MADD: variants seen among roughly 807,000 people sequenced by gnomAD.
MADD encodes the protein MAP kinase activating death domain.
Under a neutral mutation model 176.7 loss-of-function variants are expected in MADD, and 109 were observed. That is an observed-to-expected ratio of 0.62 (90% confidence interval 0.53 to 0.72). The LOEUF (loss-of-function observed/expected upper bound fraction) is 0.72, where lower values mean the gene tolerates loss of function less well. MADD is among the 30% of genes least tolerant of loss of function. The pLI is 0.00. For missense variants in MADD, 1,914 were observed against 2,045.5 expected (o/e 0.94, Z 1.24); for synonymous variants, 771 against 771.3 (o/e 1.00, Z 0.01).
chr11:47,286,588 C>A, intron 15 of MADD, 54 bp downstream of exon 15: 1 of 1,397,176 alleles, frequency 7.2e-7, no homozygotes, highest in Non-Finnish European at 1.0e-6. Context: ...ATGTTTCGGG[C>A]TGTGGGTTCA....
intron 22 of MADD, among the ~76,000 whole-genome samples, chr11:47,303,887 C>T (rs12576751): frequency 0.075 from 11,441 of 152,216 alleles, 517 homozygotes; most frequent in South Asian, 0.11. Flanking sequence ...GGATTACAGG[C>T]GTGAGCCACC....
chr11:47,282,358 T>A (rs1375282371), intron 8 of MADD, 23 bp from the exon 9 acceptor site: 7 of 1,594,988 alleles, frequency 4.4e-6, no homozygotes, highest in Non-Finnish European at 6.0e-6. Context: ...GGTCTCAGAT[T>A]ATCTCATCAT....
chr11:47,281,518 A>C, intron 7 of MADD, 57 bp from the exon 8 acceptor site: 1 of 1,416,760 alleles, frequency 7.1e-7, no homozygotes, highest in Non-Finnish European at 9.5e-7. Flanking sequence ...TGGAGTTAAG[A>C]TTGGCTAGCT....
intron 2 of MADD, 133 bp from the exon 3 acceptor site, chr11:47,274,430 A>G: frequency 1.3e-6 from 1 of 758,678 alleles, no homozygotes; most frequent in Non-Finnish European, 2.2e-6. Context: ...GGCAGCACCC[A>G]TATTTTCCAA....
chr11:47,289,057 C>G, intron 15 of MADD, 30 bp downstream of exon 16: 1 of 1,449,656 alleles, frequency 6.9e-7, no homozygotes, highest in Non-Finnish European at 9.3e-7. Flanking sequence ...TGTGCATGAT[C>G]TTTTTTTTTT....
intron 27 of MADD, 101 bp downstream of exon 30, chr11:47,315,428 T>C: frequency 3.1e-6 from 2 of 654,716 alleles, no homozygotes; most frequent in Non-Finnish European, 5.5e-6. Context: ...CTCATTCATC[T>C]TCATGATCTA....
At chr11:47,287,825 C>G (rs1229639377) in intron 15 of MADD, among the ~76,000 whole-genome samples, 1 of 118,740 alleles carries the variant, frequency 8.4e-6, no homozygotes, top group African/African-American at 3.3e-5. Flanking sequence ...GAGTCTCGCT[C>G]TGTTGCCCAG....
intron 22 of MADD, among the ~76,000 whole-genome samples, chr11:47,302,642 A>AGTGAAAT (rs947476097): frequency 4.0e-5 from 6 of 151,722 alleles, no homozygotes; most frequent in Non-Finnish European, 5.9e-5. Context: ...TGTCTTTGCT[A>AGTGAAAT]GTGAAATGAG....
chr11:47,315,142 T>C, intron 26 of MADD, 78 bp from the exon 30 acceptor site: 1 of 804,142 alleles, frequency 1.2e-6, no homozygotes, highest in Non-Finnish European at 2.2e-6. Context: ...TGAATTTGAT[T>C]GCTGGATGGG....
At chr11:47,315,771 G>A (rs1178450246) in intron 27 of MADD, among the ~76,000 whole-genome samples, 3 of 151,434 alleles carry the variant, frequency 2.0e-5, no homozygotes, top group African/African-American at 4.9e-5. Context: ...CACCGCACCC[G>A]GCCAAATTAT....
At chr11:47,278,047 C>A in intron 5 of MADD, 118 bp from the exon 6 acceptor site, 1 of 733,860 alleles carries the variant, frequency 1.4e-6, no homozygotes, top group Non-Finnish European at 2.4e-6. Flanking sequence ...TACATCTGGC[C>A]TCAAGAGTTT....
At chr11:47,290,450 C>T (rs973885527) in intron 18 of MADD, 151 bp downstream of exon 19, 9 of 1,280,314 alleles carry the variant, frequency 7.0e-6, no homozygotes, top group East Asian at 4.9e-5. Flanking sequence ...CATGTTTATA[C>T]GCAGTGGGTA....
chr11:47,317,162 T>G (rs1034045875), intron 27 of MADD, among the ~76,000 whole-genome samples: 2 of 152,194 alleles, frequency 1.3e-5, no homozygotes, highest in African/African-American at 4.8e-5. Context: ...GCTTTCCCAT[T>G]GGTTTTATGG....
At chr11:47,315,156 T>G in intron 26 of MADD, 64 bp from the exon 30 acceptor site, 1 of 932,076 alleles carries the variant, frequency 1.1e-6, no homozygotes, top group Non-Finnish European at 1.8e-6. Context: ...GGATGGGGAA[T>G]TCTTGGCCCA....
intron 22 of MADD, among the ~76,000 whole-genome samples, chr11:47,306,316 A>C (rs1396142212): frequency 6.6e-6 from 1 of 152,126 alleles, no homozygotes; most frequent in Non-Finnish European, 1.5e-5. Context: ...TAGCCTCAGG[A>C]ATGAAGGGGA....
chr11:47,306,439 C>T lies in MADD; in HGVS notation c.3643-2152C>T, dbSNP rs188775152. Among the ~76,000 whole-genome samples, 360 of 152,322 alleles carry T rather than the reference C, an allele frequency of 2.4e-3. 2 individuals are homozygous for T. The highest frequency in any genetic ancestry group is 8.2e-3 in the African/African-American group (341 of 41,572). ...AGGGGCTGGCGCATAGTATTGGCTC[C>T]TTCTCTGGAGGGAGCACAGCTGTAT... On this transcript the variant is annotated intron_variant, in intron 22 of 32. Coordinates refer to ENST00000402192, the Ensembl canonical transcript of MADD.
chr11:47,320,361 C>T (rs2094226396), intron 27 of MADD, among the ~76,000 whole-genome samples: 2 of 151,694 alleles, frequency 1.3e-5, no homozygotes, highest in African/African-American at 4.8e-5. Context: ...GAGGCTGAGG[C>T]AGAGAATTGT....
At chr11:47,306,009 G>A (rs1200245383) in intron 22 of MADD, among the ~76,000 whole-genome samples, 1 of 152,136 alleles carries the variant, frequency 6.6e-6, no homozygotes. Flanking sequence ...GGAATGCAGG[G>A]TGCCGCTTCA....
chr11:47,324,075 C>A, intron 28 of MADD, 190 bp from the exon 32 acceptor site: 1 of 644,952 alleles, frequency 1.6e-6, no homozygotes, highest in Non-Finnish European at 2.7e-6. Flanking sequence ...TTCTTTAAAG[C>A]CATACTATTC....
Sources: gnomAD v4.1 joint callset for allele counts (sites outside exome capture counted in the v4.1 genomes callset) on GRCh38, gnomAD v4.1.1 for gene constraint, MANE v1.5 for transcripts, NCBI Gene and HGNC (gene_info 2026-07-23, HGNC 2026-07-21) for gene names.